Variants in MAPK15 observed in about 807,000 individuals in gnomAD.
MAPK15 encodes mitogen-activated protein kinase 15, also known as ERK-7.
MAPK15 carries 61 observed loss-of-function variants against 60.8 expected under a neutral mutation model. The ratio of observed to expected loss-of-function variants is 1.00; its 90% CI spans 0.82 to 1.24. The LOEUF (loss-of-function observed/expected upper bound fraction) is 1.24. Among genes scored for constraint, MAPK15 ranks in the 50% most tolerant of loss-of-function variants. The pLI, the probability that MAPK15 is intolerant of heterozygous loss-of-function variation, is 0.00. For missense variants in MAPK15, 808 were observed against 741.1 expected (o/e 1.09, Z -1.05); for synonymous variants, 356 against 319.9 (o/e 1.11, Z -1.21).
Position 143,721,061 on chromosome 8 carries a change from G to A in MAPK15, c.979G>A (p.Gly327Arg), listed in dbSNP as rs1563751735. ...EADVRPRAHE[G>R]VQLSVPEYRS... is the part of the protein sequence containing the mutation. ...AGATGTGCGGCCCCGGGCACACGAA[G>A]GGGTCCAGCTCTCTGTGCCTGAGTA... The change falls in exon 10 of 14, where the codon GGG (glycine) becomes AGG (arginine). Residue 327 changes from glycine (G) to arginine (R), a missense_variant. Transcript: ENST00000338033. 1.9e-6 allele frequency: 3 copies of A among 1,612,182 alleles called. No homozygotes were observed. In the East Asian group the frequency reaches 6.7e-5, roughly 36 times the overall value.
In MAPK15 at chr8:143,721,616, A is replaced by G. The variant is rs1254636486; in HGVS notation, c.1272A>G (p.Leu424=). Residue 424 remains leucine, a synonymous_variant, in exon 12 of 14, where the codon CTA becomes CTG. Coordinates refer to ENST00000338033, the MANE Select transcript of MAPK15 (RefSeq NM_139021.3). ...NSAPLLQTAL[L]GNGERPPGAK... ...CTCCCCTGCTCCAAACTGCTCTCCT[A>G]GGGAATGGGGAAAGGCCCCCTGGGG... 3 of 1,612,326 alleles carry G rather than the reference A, an allele frequency of 1.9e-6. No individual in the cohort carries two copies. In the African/African-American group the frequency reaches 4.0e-5, roughly 22 times the overall value.
At position 143,720,396 on chromosome 8, in the gene MAPK15, T is replaced by C; in HGVS notation, c.779+109T>C. ...AGTTTGTACCAGTTCAGATTCTGCC[T>C]GTTTTCAAGATGGCAGTCCCAAACC... On this transcript the variant is annotated intron_variant, in intron 8 of 13. Transcript: ENST00000338033. This position sits in a 1 kb window ranked among gnomAD's most constrained non-coding sequence, Gnocchi z 4.6. The C allele has an allele frequency of 6.9e-7, 1 of 1,450,632 alleles. No individual in the cohort carries two copies. The highest frequency in any genetic ancestry group is 9.1e-7 in the Non-Finnish European group (1 of 1,098,168). 89.9% of individuals were successfully genotyped at this position (1,450,632 alleles called of 1,614,324 possible).
At chr8:143,716,991 C>A (rs1817837834) in intron 1 of MAPK15, among the ~76,000 whole-genome samples, 1 of 151,968 alleles carries the variant, frequency 6.6e-6, no homozygotes, top group African/African-American at 2.4e-5. Context: ...GAAGAGCCTT[C>A]CAGGCAGTGC....
Position 143,722,386 on chromosome 8 carries a change from T to A in MAPK15, c.*135T>A. 1.3e-6 allele frequency: 1 copy of A among 750,368 alleles called. No homozygotes were observed. The highest frequency in any genetic ancestry group is 2.0e-6 in the Non-Finnish European group (1 of 491,554). 46.5% of individuals were successfully genotyped at this position (750,368 alleles called of 1,614,324 possible). ...AAGTTCCAGGGAGCTTGCCCGGGTC[T>A]CCTCGGGGGAGCAGATGAGGGCCCT... On this transcript the variant is annotated 3_prime_UTR_variant, in exon 14 of 14. Transcript: ENST00000338033.
At position 143,721,212 on chromosome 8, in the gene MAPK15, C is replaced by T. The variant is rs1418427178; in HGVS notation, c.1024-19C>T. ...CCATGCCCAGGCTGTGACCTCTGAG[C>T]ACCCTTCCCCTCCCGCAGATGATCC... On this transcript the variant is annotated intron_variant, in intron 10 of 13. Transcript: ENST00000338033. The T allele has an allele frequency of 1.9e-6, 3 of 1,600,462 alleles. No homozygotes were observed. The highest frequency in any genetic ancestry group is 1.3e-5 in the African/African-American group (1 of 74,660).
At position 143,718,876 on chromosome 8, in the gene MAPK15, T is replaced by G. The variant is rs1817920434; in HGVS notation, c.388T>G (p.Ser130Ala). The change falls in exon 5 of 14, where the codon TCG becomes GCG. Residue 130 changes from serine (S) to alanine (A), a missense_variant. By Grantham distance (99) the Ser-to-Ala change is moderately conservative (BLOSUM62 1). Transcript: ENST00000338033. ...CCTGCGGGCCACCCGGTTCCTCCAC[T>G]CGGGGCACGTTGTGCACCGGGACCA... is the stretch of plus-strand genomic sequence containing the variant. The part of the protein sequence containing the change: ...QLLRATRFLH[S>A]GHVVHRDQKP... 1 of 1,610,798 alleles carries G rather than the reference T, an allele frequency of 6.2e-7. No homozygotes were observed. Among genetic ancestry groups the G allele is most frequent in the Non-Finnish European group, 8.5e-7 (1 of 1,179,004 alleles).
chr8:143,721,118 T>C lies in MAPK15; in HGVS notation c.1023+13T>C, dbSNP rs782487703. On this transcript the variant is annotated intron_variant, in intron 10 of 13. Coordinates refer to ENST00000338033, the MANE Select transcript of MAPK15 (RefSeq NM_139021.3). ...CCGCGTCTATCAGGTGCTCCGGCTC[T>C]CGACCCCTATCATCCCCTGTCTACT... 189 of 1,607,848 alleles carry C rather than the reference T, an allele frequency of 1.2e-4. No individual in the cohort carries two copies. The highest frequency in any genetic ancestry group is 1.5e-4 in the Non-Finnish European group (172 of 1,176,848).
chr8:143,722,274 G>C lies in MAPK15; in HGVS notation c.*23G>C. 6.5e-7 allele frequency: 1 copy of C among 1,531,116 alleles called. No homozygotes were observed. The highest frequency in any genetic ancestry group is 8.8e-7 in the Non-Finnish European group (1 of 1,139,622). The allele number at this position is 1,531,116 out of a possible 1,614,324, so 94.8% of individuals were successfully genotyped here. On this transcript the variant is annotated 3_prime_UTR_variant, in exon 14 of 14. Transcript: ENST00000338033. The stretch of plus-strand genomic sequence containing the variant: ...TGAGCCGCCCTACTCCCTTCACCTG[G>C]CCCTCTGTTCCTGCCCCAGCCCCTT...
chr8:143,719,995 T>C (rs952421610), intron 7 of MAPK15, among the ~76,000 whole-genome samples: 4 of 151,970 alleles, frequency 2.6e-5, no homozygotes, highest in Middle Eastern at 3.2e-3. Flanking sequence ...TCCACTTCTG[T>C]GAGCACACCC....
In MAPK15 at chr8:143,720,175, GAGCCGCCCC is replaced by G. The variant is rs1554619368; in HGVS notation, c.722-49_722-41del. ...AGAGATGACTGGCCCCAGATGCCCT[GAGCCGCCCC>G]AGCCGACCAGGCCTGCCTGGGTCAC... On this transcript the variant is annotated intron_variant, in intron 7 of 13. Transcript: ENST00000338033. This position sits in a 1 kb window ranked among gnomAD's most constrained non-coding sequence, Gnocchi z 4.6. The G allele has an allele frequency of 1.3e-6, 2 of 1,542,232 alleles. No homozygotes were observed. Among genetic ancestry groups the G allele is most frequent in the Non-Finnish European group, 1.7e-6 (2 of 1,146,656 alleles).
At chr8:143,719,754 C>T (rs1303988247) in intron 7 of MAPK15, among the ~76,000 whole-genome samples, 1 of 152,138 alleles carries the variant, frequency 6.6e-6, no homozygotes, top group Non-Finnish European at 1.5e-5. Flanking sequence ...TGGACAAGGT[C>T]CCCAAGGGAT....
chr8:143,722,202 G>C lies in MAPK15; in HGVS notation c.1586G>C (p.Cys529Ser), dbSNP rs1554620202. The change falls in exon 14 of 14, where the codon TGC becomes TCC. Residue 529 changes from cysteine to serine, a missense_variant. Transcript: ENST00000338033. ...TACTCCCAAGCCTACGGGACTGTCT[G>C]CCACTCGGCACTGGGCCACCTGCCC... ...GGYSQAYGTVCHSALGHLPLL... is the reference protein window; with the variant it reads ...GGYSQAYGTVSHSALGHLPLL... 1.9e-6 allele frequency: 3 copies of C among 1,607,242 alleles called. No individual in the cohort carries two copies. Among genetic ancestry groups the C allele is most frequent in the African/African-American group, 2.7e-5 (2 of 74,946 alleles).
intron 10 of MAPK15, 53 bp downstream of exon 10, chr8:143,721,158 G>C: frequency 6.3e-6 from 10 of 1,594,428 alleles, no homozygotes; most frequent in Non-Finnish European, 8.6e-6. Context: ...CCTGGAGGCT[G>C]CCTCCTATGT....
rs533253499 is a variant in MAPK15, at chr8:143,720,281, G to T, written c.773G>T (p.Gly258Val). 1.9e-6 allele frequency: 3 copies of T among 1,588,414 alleles called. No individual in the cohort carries two copies. Among genetic ancestry groups the T allele is most frequent in the Non-Finnish European group, 2.6e-6 (3 of 1,166,886 alleles). The change falls in exon 8 of 14, where the codon GGG becomes GTG. Residue 258 changes from glycine to valine, a missense_variant. Transcript: ENST00000338033. The surrounding 1 kb of genome is among the most constrained non-coding windows in gnomAD (Gnocchi z 4.6). ...CGTGCCTCTGTGCTGCACCAGCTGGGGTCCCGGTGAGTGGGGGCACTTCGG... is the reference window on the plus strand; with the variant it reads ...CGTGCCTCTGTGCTGCACCAGCTGGTGTCCCGGTGAGTGGGGGCACTTCGG... ...GCRASVLHQL[G>V]SRPRQTLDAL...
Position 143,720,187 on chromosome 8 carries a change from C to A in MAPK15, c.722-43C>A. On this transcript the variant is annotated intron_variant, in intron 7 of 13. Coordinates refer to ENST00000338033, the MANE Select transcript of MAPK15 (RefSeq NM_139021.3). This position sits in a 1 kb window ranked among gnomAD's most constrained non-coding sequence, Gnocchi z 4.6. The stretch of plus-strand genomic sequence containing the variant: ...CCCCAGATGCCCTGAGCCGCCCCAG[C>A]CGACCAGGCCTGCCTGGGTCACACC... 6.5e-7 allele frequency: 1 copy of A among 1,546,226 alleles called. No homozygotes were observed.
At position 143,719,013 on chromosome 8, in the gene MAPK15, T is replaced by C. The variant is rs782378595; in HGVS notation, c.438T>C (p.Asp146=). ...TGCAGCCGTCCAATGTGCTCCTGGATGCCAACTGCACAGTGAAGCTGTGTG... is the reference window on the plus strand; with the variant it reads ...TGCAGCCGTCCAATGTGCTCCTGGACGCCAACTGCACAGTGAAGCTGTGTG... ...RDQKPSNVLL[D]ANCTVKLCDF... The change falls in exon 6 of 14, where the codon GAT becomes GAC. Residue 146 remains aspartate, a synonymous_variant. Transcript: ENST00000338033. 15 of 1,607,414 alleles carry C rather than the reference T, an allele frequency of 9.3e-6. No homozygotes were observed. Among genetic ancestry groups the C allele is most frequent in the Admixed American group, 3.4e-5 (2 of 59,406 alleles).
At chr8:143,721,138 T>C in intron 10 of MAPK15, 33 bp downstream of exon 10, 1 of 1,600,160 alleles carries the variant, frequency 6.2e-7, no homozygotes, top group Non-Finnish European at 8.5e-7. Flanking sequence ...TCATCCCCTG[T>C]CTACTGCACC....
In MAPK15 at chr8:143,719,012, A is replaced by C; in HGVS notation, c.437A>C (p.Asp146Ala). Residue 146 changes from aspartate (D) to alanine (A), a missense_variant, in exon 6 of 14, where the codon GAT (aspartate) becomes GCT (alanine). Asp to Ala is a moderately radical substitution (Grantham distance 126, BLOSUM62 -2). Coordinates refer to ENST00000338033, the MANE Select transcript of MAPK15 (RefSeq NM_139021.3). ...RDQKPSNVLL[D>A]ANCTVKLCDF... ...CTGCAGCCGTCCAATGTGCTCCTGG[A>C]TGCCAACTGCACAGTGAAGCTGTGT... 6.2e-7 allele frequency: 1 copy of C among 1,607,502 alleles called. No individual in the cohort carries two copies. The highest frequency in any genetic ancestry group is 8.5e-7 in the Non-Finnish European group (1 of 1,177,532).
intron 11 of MAPK15, 61 bp downstream of exon 11, chr8:143,721,472 G>A: frequency 6.2e-7 from 1 of 1,610,846 alleles, no homozygotes; most frequent in Non-Finnish European, 8.5e-7. Context: ...TGCCTGTGCT[G>A]CCAACTATGC....
Sources: gnomAD v4.1 joint callset for allele counts (sites outside exome capture counted in the v4.1 genomes callset) on GRCh38, gnomAD v4.1.1 for gene constraint, Gnocchi (gnomAD v3.1) non-coding constraint, MANE v1.5 for transcripts, NCBI Gene and HGNC (gene_info 2026-07-23, HGNC 2026-07-21) for gene names.